Variants in EXD1 observed in about 807,000 individuals in gnomAD.
EXD1 encodes exonuclease 3'-5' domain containing 1, also known as piRNA biogenesis protein EXD1.
EXD1 carries 63 observed loss-of-function variants against 49.1 expected under a neutral mutation model. That is an observed-to-expected ratio of 1.28 (90% CI 1.05 to 1.58). The LOEUF (loss-of-function observed/expected upper bound fraction) is 1.58. EXD1 is among the 40% of genes most tolerant of loss of function. The pLI, the probability that EXD1 is intolerant of heterozygous loss-of-function variation, is 0.00. For synonymous variants in EXD1, 234 were observed against 239.2 expected (o/e 0.98, Z 0.20); for missense variants, 748 against 666.0 (o/e 1.12, Z -1.36).
intron 9 of EXD1, among the ~76,000 whole-genome samples, chr15:41,192,586 C>T (rs1005350988): frequency 5.1e-5 from 7 of 136,358 alleles, no homozygotes; most frequent in South Asian, 2.3e-4. Flanking sequence ...TGAACCACTG[C>T]GCCAGGCATT....
rs521088 is a variant in EXD1, at chr15:41,183,903, T to C, written c.*28A>G. Reference sequence around the variant, plus strand: ...GATGGCAAAGGAAATAAGCCATCTGTATGGCCTTAAGAACAAACTGCCCAT... The same window carrying C: ...GATGGCAAAGGAAATAAGCCATCTGCATGGCCTTAAGAACAAACTGCCCAT... On this transcript the variant is annotated 3_prime_UTR_variant, in exon 12 of 12. Transcript: ENST00000458580. The C allele has an allele frequency of 1, 1,539,494 of 1,539,738 alleles. 769,625 individuals carry two copies. Among genetic ancestry groups the C allele is most frequent in the Non-Finnish European group, 1 (1,145,988 of 1,145,988 alleles).
At chr15:41,222,346 C>T (rs1422551018) in intron 2 of EXD1, among the ~76,000 whole-genome samples, 1 of 151,448 alleles carries the variant, frequency 6.6e-6, no homozygotes, top group Admixed American at 6.6e-5. Flanking sequence ...ACCTGGGAGG[C>T]GGAGGTTGCA....
intron 6 of EXD1, among the ~76,000 whole-genome samples, chr15:41,212,692 T>C (rs2046939651): frequency 6.6e-6 from 1 of 152,108 alleles, no homozygotes; most frequent in East Asian, 1.9e-4. Flanking sequence ...ACAACCCAAA[T>C]GTCCATCAAA....
rs2046515652 is a variant in EXD1 at position 41,191,498 on chromosome 15, G to A, written c.808C>T (p.Leu270Phe). Residue 270 changes from leucine (L) to phenylalanine (F), a missense_variant, in exon 10 of 12, where the codon CTT becomes TTT. By Grantham distance (22) the Leu-to-Phe change is conservative. Transcript: ENST00000458580. The part of the protein sequence containing the change: ...TTLQESLIKH[L>F]QVAPKYLSFL... ...GAGAGATATTTAGGGGCTACTTGAA[G>A]GTGTTTGATTAAACTCTCCTGCAAA... 4 of 1,613,450 alleles carry A rather than the reference G, an allele frequency of 2.5e-6. No individual in the cohort carries two copies. The highest frequency in any genetic ancestry group is 1.3e-5 in the African/African-American group (1 of 74,902).
chr15:41,214,154 C>T (rs1398776710), intron 6 of EXD1, among the ~76,000 whole-genome samples: 3 of 151,794 alleles, frequency 2.0e-5, no homozygotes, highest in African/African-American at 7.3e-5. Context: ...GCGAAAGAGA[C>T]TCCATCTCAA....
chr15:41,203,121 A>C (rs952911969), intron 7 of EXD1, among the ~76,000 whole-genome samples: 6 of 152,162 alleles, frequency 3.9e-5, no homozygotes, highest in African/African-American at 1.4e-4. Flanking sequence ...ACAGAAAGAA[A>C]GCAGATTAGG....
intron 6 of EXD1, among the ~76,000 whole-genome samples, chr15:41,215,203 A>G (rs2046981725): frequency 6.6e-6 from 1 of 152,182 alleles, no homozygotes; most frequent in Non-Finnish European, 1.5e-5. Context: ...TATTCCCAGC[A>G]CTTACTGCCA....
chr15:41,225,282 T>C (rs768043189), intron 2 of EXD1, among the ~76,000 whole-genome samples: 1 of 152,144 alleles, frequency 6.6e-6, no homozygotes, highest in Non-Finnish European at 1.5e-5. Flanking sequence ...TAATTTCAAA[T>C]GCATATGGAA....
At chr15:41,196,863 T>C (rs922919864) in intron 7 of EXD1, among the ~76,000 whole-genome samples, 14 of 152,108 alleles carry the variant, frequency 9.2e-5, no homozygotes, top group Admixed American at 8.5e-4. Flanking sequence ...CCTTGCTCTG[T>C]CACCCGGGCT....
rs1372441287 is a variant in EXD1 at position 41,184,484 on chromosome 15, A to G, written c.1166T>C (p.Ile389Thr). 1 of 1,614,006 alleles carries G rather than the reference A, an allele frequency of 6.2e-7. No individual in the cohort carries two copies. The highest frequency in any genetic ancestry group is 8.5e-7 in the Non-Finnish European group (1 of 1,180,046). Residue 389 changes from isoleucine to threonine, a missense_variant, in exon 12 of 12, where the codon ATA (isoleucine) becomes ACA (threonine). Transcript: ENST00000458580. ...EYRVNAQGLLIRTVLQPKKLV... is the reference protein window; with the variant it reads ...EYRVNAQGLLTRTVLQPKKLV... ...TTTCTTTGGCTGTAGCACTGTCCTT[A>G]TCAGGAGTCCCTGTGCATTCACCCT...
intron 6 of EXD1, among the ~76,000 whole-genome samples, chr15:41,212,960 G>A (rs2140885674): frequency 6.6e-6 from 1 of 152,170 alleles, no homozygotes; most frequent in African/African-American, 2.4e-5. Flanking sequence ...AGGATTGCTT[G>A]AGCCCAGGAG....
At chr15:41,204,279 G>A (rs1166632291) in intron 7 of EXD1, among the ~76,000 whole-genome samples, 5 of 150,264 alleles carry the variant, frequency 3.3e-5, no homozygotes, top group Non-Finnish European at 7.4e-5. Flanking sequence ...AGCCAGGCAC[G>A]GTGGCCCACG....
intron 6 of EXD1, among the ~76,000 whole-genome samples, 169 bp from the exon 7 acceptor site, chr15:41,209,756 T>A (rs1595447534): frequency 1.3e-5 from 2 of 148,314 alleles, no homozygotes; most frequent in East Asian, 4.0e-4. Flanking sequence ...TGCAAATAAA[T>A]CAGCACTGAA....
rs558589077 is a variant in EXD1, at chr15:41,199,747, T to TG, written c.535-3711_535-3710insC. The stretch of plus-strand genomic sequence containing the variant: ...TTATATATGATATATATGTCATATA[T>TG]TATATATGATACATATATGATATAT... On this transcript the variant is annotated intron_variant, in intron 7 of 11. Coordinates refer to ENST00000458580, the MANE Select transcript of EXD1 (RefSeq NM_001286441.2). Among the ~76,000 whole-genome samples, 26 of 99,758 alleles carry TG rather than the reference T, an allele frequency of 2.6e-4. 1 individual carries two copies. The highest frequency in any genetic ancestry group is 5.8e-4 in the South Asian group (2 of 3,456). The allele number at this position is 99,758 out of a possible 152,430, so 65.4% of individuals were successfully genotyped here.
chr15:41,211,000 A>T (rs1554445), intron 6 of EXD1, among the ~76,000 whole-genome samples: 7 of 152,246 alleles, frequency 4.6e-5, no homozygotes, highest in African/African-American at 1.2e-4. Context: ...CAAAAGCTGC[A>T]TTCTCTACTG....
chr15:41,202,463 C>T (rs1474172982), intron 7 of EXD1, among the ~76,000 whole-genome samples: 1 of 151,966 alleles, frequency 6.6e-6, no homozygotes, highest in East Asian at 1.9e-4. Flanking sequence ...AGGTGTGAGC[C>T]ACCGCACCCA....
rs750237755 is a variant in EXD1, at chr15:41,184,291, T to C, written c.1359A>G (p.Leu453=). 9 of 1,613,984 alleles carry C rather than the reference T, an allele frequency of 5.6e-6. No individual in the cohort carries two copies. The highest frequency in any genetic ancestry group is 5.0e-5 in the Admixed American group (3 of 59,982). Residue 453 remains leucine, a synonymous_variant, in exon 12 of 12, where the codon CTA becomes CTG. Transcript: ENST00000458580. ...LNKQATNPQH[L]PPTEEGETSE... ...TGGTTTCCCCTTCCTCTGTGGGAGG[T>C]AGATGTTGAGGATTTGTAGCTTGTT... is the stretch of plus-strand genomic sequence containing the variant.
intron 6 of EXD1, 131 bp from the exon 7 acceptor site, chr15:41,209,718 A>T (rs979022682): frequency 2.7e-6 from 2 of 729,942 alleles, no homozygotes; most frequent in Admixed American, 2.7e-5. Flanking sequence ...ACAAAATTTG[A>T]TTAATCCAAA....
intron 7 of EXD1, among the ~76,000 whole-genome samples, chr15:41,207,550 A>T (rs12593378): frequency 0.039 from 5,979 of 152,196 alleles, 451 homozygotes; most frequent in East Asian, 0.36. Context: ...CTCAAAAAAA[A>T]AATAATAAAA....
Sources: gnomAD v4.1 joint callset for allele counts (sites outside exome capture counted in the v4.1 genomes callset) on GRCh38, gnomAD v4.1.1 for gene constraint, MANE v1.5 for transcripts, NCBI Gene and HGNC (gene_info 2026-07-23, HGNC 2026-07-21) for gene names.